Variants in INTS8 observed in about 807,000 individuals in gnomAD.
INTS8 encodes the protein protein kaonashi-1.
INTS8 carries 47 observed loss-of-function variants against 138.9 expected under a neutral mutation model. The ratio of observed to expected loss-of-function variants is 0.34; its 90% CI spans 0.27 to 0.43. INTS8 has a LOEUF of 0.43. INTS8 is among the 20% of genes least tolerant of loss of function. The pLI, the probability that INTS8 is intolerant of heterozygous loss-of-function variation, is 1.00. For missense variants in INTS8, 996 were observed against 1,173.0 expected (o/e 0.85, Z 2.20); for synonymous variants, 392 against 400.9 (o/e 0.98, Z 0.27).
chr8:94,831,516 C>G lies in INTS8; in HGVS notation c.571-476C>G, dbSNP rs1586469527. ...TTTTTTTTTGAGATGGAGTTTCGCT[C>G]TGTCACCCAGGCCGGAGTGCAGTGG... is the stretch of plus-strand genomic sequence containing the variant. On this transcript the variant is annotated intron_variant, in intron 5 of 26. Transcript: ENST00000523731. Among the ~76,000 whole-genome samples, 4 of 134,706 alleles carry G rather than the reference C, an allele frequency of 3.0e-5. No individual in the cohort carries two copies. In the South Asian group the frequency reaches 7.1e-4, roughly 24 times the overall value. The allele number at this position is 134,706 out of a possible 152,430, so 88.4% of individuals were successfully genotyped here. A position where few individuals can be genotyped will look rare whatever the true frequency, so the allele number is the denominator to read the frequency against.
chr8:94,832,232 A>G (rs1814747131), intron 6 of INTS8, 58 bp downstream of exon 6: 1 of 1,187,110 alleles, frequency 8.4e-7, no homozygotes, highest in African/African-American at 1.6e-5. Context: ...TTAATATGAG[A>G]TCATCCTCCT....
rs1816815740 is a variant in INTS8 at position 94,881,598 on chromosome 8, G to C, written c.*1364G>C. On this transcript the variant is annotated 3_prime_UTR_variant, in exon 27 of 27. Coordinates refer to ENST00000523731, the MANE Select transcript of INTS8 (RefSeq NM_017864.4). Reference sequence around the variant, plus strand: ...AGTGATACCAGTTCTACCCAATCTTGGTGAATTCCAACTTGTTTGCTTAGT... The same window carrying C: ...AGTGATACCAGTTCTACCCAATCTTCGTGAATTCCAACTTGTTTGCTTAGT... The C allele has an allele frequency of 6.2e-7, 1 of 1,606,920 alleles. No homozygotes were observed. The highest frequency in any genetic ancestry group is 1.3e-5 in the African/African-American group (1 of 74,432).
chr8:94,872,639 A>G (rs1381858351), intron 21 of INTS8, among the ~76,000 whole-genome samples: 1 of 152,160 alleles, frequency 6.6e-6, no homozygotes, highest in Admixed American at 6.5e-5. Context: ...CATTATTTTT[A>G]TTCTTGAAGA....
In INTS8 at chr8:94,859,379, G is replaced by A. The variant is rs1430012987; in HGVS notation, c.1955-132G>A. On this transcript the variant is annotated intron_variant, in intron 15 of 26. Coordinates refer to ENST00000523731, the MANE Select transcript of INTS8 (RefSeq NM_017864.4). ...TCCTCCTGCCTTGGCCTCCCAAAGT[G>A]TTGGGATTACAGGTGTGAGCCACCA... 5.0e-6 allele frequency: 4 copies of A among 799,128 alleles called. No homozygotes were observed. The East Asian group carries it at 8.6e-5, about 17-fold the overall frequency. The allele number at this position is 799,128 out of a possible 1,614,324, so 49.5% of individuals were successfully genotyped here.
At chr8:94,835,521 T>C (rs1814890113) in intron 6 of INTS8, among the ~76,000 whole-genome samples, 2 of 152,176 alleles carry the variant, frequency 1.3e-5, no homozygotes, top group African/African-American at 2.4e-5. Flanking sequence ...ATCTTCACTT[T>C]TGAGGGGCTC....
chr8:94,836,501 A>G (rs1239883814), intron 6 of INTS8, 23 bp from the exon 7 acceptor site: 3 of 1,576,420 alleles, frequency 1.9e-6, no homozygotes, highest in Non-Finnish European at 2.6e-6. Context: ...TGTTAAGCAA[A>G]TTGGTGTTCA....
At chr8:94,834,125 T>A (rs950328958) in intron 6 of INTS8, among the ~76,000 whole-genome samples, 1 of 152,168 alleles carries the variant, frequency 6.6e-6, no homozygotes, top group Non-Finnish European at 1.5e-5. Flanking sequence ...AAAGAAAAAT[T>A]GTTATTTTTT....
chr8:94,845,475 T>C (rs1421348035), intron 10 of INTS8, among the ~76,000 whole-genome samples: 2 of 152,116 alleles, frequency 1.3e-5, no homozygotes, highest in African/African-American at 4.8e-5. Context: ...CAAGGTTGTA[T>C]TGGTTATTCT....
chr8:94,823,705 C>T (rs1814369174), intron 1 of INTS8, 144 bp downstream of exon 1: 2 of 651,838 alleles, frequency 3.1e-6, no homozygotes, highest in Non-Finnish European at 5.0e-6. Flanking sequence ...GGGCTCCTCG[C>T]TTCCCTTAAA....
chr8:94,869,085 C>T lies in INTS8; in HGVS notation c.2414+1748C>T, dbSNP rs532473874. Among the ~76,000 whole-genome samples, 89 of 151,346 alleles carry T rather than the reference C, an allele frequency of 5.9e-4. 1 individual carries two copies. The highest frequency in any genetic ancestry group is 2.1e-3 in the African/African-American group (85 of 41,172). On this transcript the variant is annotated intron_variant, in intron 20 of 26. Coordinates refer to ENST00000523731, the MANE Select transcript of INTS8 (RefSeq NM_017864.4). ...ACAACCTCTGCCTCCCTGGTTCAAG[C>T]AATTCTCCTGCCTCAGGCTCCCGAG... is the stretch of plus-strand genomic sequence containing the variant.
chr8:94,831,903 T>C (rs1814731815), intron 5 of INTS8, 89 bp from the exon 6 acceptor site: 1 of 1,026,788 alleles, frequency 9.7e-7, no homozygotes, highest in Non-Finnish European at 1.4e-6. Context: ...TAGCTTAGTG[T>C]ACTGAGTTAC....
At chr8:94,848,013 C>CTTTTTTTTTTTT (rs58388097) in intron 10 of INTS8, among the ~76,000 whole-genome samples, 8 of 129,990 alleles carry the variant, frequency 6.2e-5, no homozygotes, top group African/African-American at 1.2e-4. Context: ...TAAAACACTG[C>CTTTTTTTTTTTT]TTTTTTTTTT....
At chr8:94,828,149 C>T (rs1202439556) in intron 4 of INTS8, among the ~76,000 whole-genome samples, 1 of 151,754 alleles carries the variant, frequency 6.6e-6, no homozygotes, top group East Asian at 1.9e-4. Context: ...AAGTGATTCT[C>T]CCACCTCAGC....
At chr8:94,852,951 A>T (rs567106122) in intron 13 of INTS8, among the ~76,000 whole-genome samples, 1 of 152,268 alleles carries the variant, frequency 6.6e-6, no homozygotes, top group Non-Finnish European at 1.5e-5. Flanking sequence ...TAGAGAGAAA[A>T]TAAAAAATTG....
intron 22 of INTS8, among the ~76,000 whole-genome samples, chr8:94,874,077 TA>T (rs1285190466): frequency 2.6e-5 from 4 of 152,320 alleles, no homozygotes; most frequent in African/African-American, 9.6e-5. Flanking sequence ...TAAGAGCACC[TA>T]AAATCTACTC....
At chr8:94,874,461 T>C (rs1816507500) in intron 22 of INTS8, 91 bp from the exon 23 acceptor site, 13 of 744,718 alleles carry the variant, frequency 1.7e-5, no homozygotes, top group Non-Finnish European at 3.2e-5. Context: ...CACACACAGC[T>C]TCCTCTTTTG....
intron 12 of INTS8, among the ~76,000 whole-genome samples, 193 bp from the exon 13 acceptor site, chr8:94,851,360 T>C (rs1563655967): frequency 6.6e-6 from 1 of 152,350 alleles, no homozygotes; most frequent in Non-Finnish European, 1.5e-5. Flanking sequence ...AATGTAGATA[T>C]AGTAAAATTT....
chr8:94,875,909 G>T, intron 23 of INTS8, 165 bp from the exon 24 acceptor site: 1 of 584,488 alleles, frequency 1.7e-6, no homozygotes. Context: ...ATATTGGTCA[G>T]ACAGACACGT....
chr8:94,861,447 G>T (rs1327726663), intron 16 of INTS8, among the ~76,000 whole-genome samples: 2 of 151,576 alleles, frequency 1.3e-5, no homozygotes, highest in South Asian at 4.2e-4. Flanking sequence ...ATTTTTAGTG[G>T]TGACGGGGTT....
Sources: gnomAD v4.1 joint callset for allele counts (sites outside exome capture counted in the v4.1 genomes callset) on GRCh38, gnomAD v4.1.1 for gene constraint, MANE v1.5 for transcripts, NCBI Gene and HGNC (gene_info 2026-07-23, HGNC 2026-07-21) for gene names.